AFF3: variants seen among roughly 807,000 people sequenced by gnomAD.
The protein encoded by AFF3 is AF4/FMR2 family member 3.
AFF3 carries 32 observed loss-of-function variants against 129.7 expected under a neutral mutation model. The ratio of observed to expected loss-of-function variants is 0.25; its 90% CI spans 0.19 to 0.33. The LOEUF (loss-of-function observed/expected upper bound fraction) is 0.33. Ranked by LOEUF, AFF3 falls within the 10% of genes least tolerant of loss-of-function variation. AFF3 has a pLI of 1.00. For synonymous variants in AFF3, 644 were observed against 635.4 expected, an observed-to-expected ratio of 1.01 and a Z score of -0.20; for missense variants, 1,373 against 1,592.0, an observed-to-expected ratio of 0.86 and a Z score of 2.34.
intron 13 of AFF3, among the ~76,000 whole-genome samples, chr2:99,606,800 G>A (rs189256105): frequency 6.6e-6 from 1 of 151,202 alleles, no homozygotes; most frequent in East Asian, 2.0e-4. Flanking sequence ...TGTAGTCCCA[G>A]CTACTCAGGA....
intron 11 of AFF3, among the ~76,000 whole-genome samples, chr2:99,722,983 T>A (rs1679037199): frequency 1.3e-5 from 2 of 152,204 alleles, no homozygotes; most frequent in South Asian, 4.1e-4. Flanking sequence ...CTTTCAAGGA[T>A]CAAATTTCCT....
intron 7 of AFF3, among the ~76,000 whole-genome samples, chr2:99,845,571 C>T (rs1689657845): frequency 6.6e-6 from 1 of 152,164 alleles, no homozygotes; most frequent in African/African-American, 2.4e-5. Flanking sequence ...ACTGCTCTGT[C>T]AACACTGGGT....
At chr2:99,989,636 T>C (rs1680162470) in intron 7 of AFF3, among the ~76,000 whole-genome samples, 1 of 152,234 alleles carries the variant, frequency 6.6e-6, no homozygotes, top group Non-Finnish European at 1.5e-5. Context: ...CATTTGCAAC[T>C]AGTTCAACAA....
At chr2:99,900,177 G>A (rs1403486875) in intron 7 of AFF3, among the ~76,000 whole-genome samples, 2 of 152,214 alleles carry the variant, frequency 1.3e-5, no homozygotes, top group Non-Finnish European at 2.9e-5. Flanking sequence ...AGGTTTTACT[G>A]CAGTTGTAGG....
At chr2:99,826,182 T>G (rs1688066103) in intron 8 of AFF3, among the ~76,000 whole-genome samples, 2 of 152,014 alleles carry the variant, frequency 1.3e-5, no homozygotes, top group Admixed American at 1.3e-4. Flanking sequence ...GCCCAGCTAA[T>G]TTTTGTATTT....
At chr2:100,126,407 A>G (rs945678856) in intron 2 of AFF3, among the ~76,000 whole-genome samples, 1 of 152,236 alleles carries the variant, frequency 6.6e-6, no homozygotes, top group Non-Finnish European at 1.5e-5. Flanking sequence ...CATTCTTAGA[A>G]GACAGAAATA....
chr2:99,842,840 G>A (rs1689423041), intron 7 of AFF3, among the ~76,000 whole-genome samples: 1 of 152,190 alleles, frequency 6.6e-6, no homozygotes, highest in Admixed American at 6.5e-5. Context: ...GAAAAAGAGT[G>A]TGATCAAATC....
chr2:99,547,447 C>T lies in AFF3; in HGVS notation c.*4027G>A, dbSNP rs1674113456. ...GGGAATCTACAAATAGGAAATCACA[C>T]GCAGATTACTGGGTCTGAAGAGTGT... On this transcript the variant is annotated 3_prime_UTR_variant, in exon 25 of 25. Transcript: ENST00000672756. 1.4e-5 allele frequency: 3 copies of T among 212,932 alleles called. No homozygotes were observed. The highest frequency in any genetic ancestry group is 2.8e-5 in the Non-Finnish European group (3 of 105,548). The allele number at this position is 212,932 out of a possible 1,614,324, so 13.2% of individuals were successfully genotyped here. A position where few individuals can be genotyped will look rare whatever the true frequency, so the allele number is the denominator to read the frequency against.
intron 13 of AFF3, among the ~76,000 whole-genome samples, chr2:99,617,422 T>C (rs1437701277): frequency 1.3e-5 from 2 of 152,238 alleles, no homozygotes; most frequent in African/African-American, 4.8e-5. Flanking sequence ...TTGAGTATCT[T>C]TTCATGTGCT....
intron 8 of AFF3, among the ~76,000 whole-genome samples, chr2:99,812,758 TTTAA>T (rs1558874117): frequency 2.6e-5 from 4 of 152,226 alleles, no homozygotes; most frequent in African/African-American, 9.6e-5. Flanking sequence ...TATTCAGCTG[TTTAA>T]AAGCAGAACA....
chr2:99,936,723 G>C (rs942131500), intron 7 of AFF3, among the ~76,000 whole-genome samples: 1 of 152,204 alleles, frequency 6.6e-6, no homozygotes, highest in Admixed American at 6.5e-5. Flanking sequence ...CTGGACTTCC[G>C]AAGTGCAAAC....
intron 11 of AFF3, among the ~76,000 whole-genome samples, chr2:99,692,402 C>T (rs1490778898): frequency 1.3e-5 from 2 of 152,072 alleles, no homozygotes; most frequent in Non-Finnish European, 2.9e-5. Flanking sequence ...TTATTAATGG[C>T]GGCAAGAGTT....
intron 7 of AFF3, among the ~76,000 whole-genome samples, chr2:99,992,084 A>ATC (rs1680409821): frequency 6.6e-6 from 1 of 152,078 alleles, no homozygotes; most frequent in African/African-American, 2.4e-5. Context: ...TATCTTCCCT[A>ATC]TCTCTGTCCT....
chr2:99,651,623 G>A (rs914825504), intron 12 of AFF3, among the ~76,000 whole-genome samples: 11 of 151,938 alleles, frequency 7.2e-5, no homozygotes, highest in Non-Finnish European at 1.5e-4. Context: ...TGTATTTTTA[G>A]TAGAGACAGG....
At chr2:99,583,235 A>G (rs544537986) in intron 16 of AFF3, among the ~76,000 whole-genome samples, 4 of 152,338 alleles carry the variant, frequency 2.6e-5, no homozygotes, top group Admixed American at 6.5e-5. Flanking sequence ...AGCCAGCACC[A>G]AAGTACACGA....
intron 11 of AFF3, among the ~76,000 whole-genome samples, chr2:99,675,983 G>GTTTT (rs61405437): frequency 1.4e-5 from 2 of 140,404 alleles, no homozygotes; most frequent in African/African-American, 2.6e-5. Context: ...ATCTCCTACT[G>GTTTT]TTTTTTTTTT....
At chr2:99,859,934 G>A (rs904043237) in intron 7 of AFF3, among the ~76,000 whole-genome samples, 2 of 151,720 alleles carry the variant, frequency 1.3e-5, no homozygotes, top group South Asian at 2.1e-4. Flanking sequence ...GTCGCCCCCC[G>A]CAAAAAAGGA....
intron 7 of AFF3, among the ~76,000 whole-genome samples, chr2:99,991,018 C>T (rs6758652): frequency 0.083 from 12,666 of 152,046 alleles, 1,499 homozygotes; most frequent in African/African-American, 0.26. Flanking sequence ...AATGAGGCCC[C>T]GCTGCATCCA....
At chr2:99,849,115 T>C (rs1689949975) in intron 7 of AFF3, among the ~76,000 whole-genome samples, 1 of 152,062 alleles carries the variant, frequency 6.6e-6, no homozygotes. Flanking sequence ...ATGATTCCAC[T>C]TCTACCTCAC....
Sources: gnomAD v4.1 joint callset for allele counts (sites outside exome capture counted in the v4.1 genomes callset) on GRCh38, gnomAD v4.1.1 for gene constraint, MANE v1.5 for transcripts, NCBI Gene and HGNC (gene_info 2026-07-23, HGNC 2026-07-21) for gene names.